Variants in CDH18 observed in about 807,000 individuals in gnomAD.
The protein encoded by CDH18 is cadherin-18.
In CDH18, 31 loss-of-function variants were observed where a neutral mutation model predicts 67.9. That is an observed-to-expected ratio of 0.46 (90% CI 0.34 to 0.62). The LOEUF (loss-of-function observed/expected upper bound fraction) is 0.62. CDH18 is among the 20% of genes least tolerant of loss of function. CDH18 has a pLI of 0.01. For missense variants in CDH18, 890 were observed against 975.5 expected, an observed-to-expected ratio of 0.91 and a Z score of 1.17; for synonymous variants, 362 against 347.2, an observed-to-expected ratio of 1.04 and a Z score of -0.48.
At chr5:19,621,364 T>G (rs1342597461) in intron 5 of CDH18, among the ~76,000 whole-genome samples, 1 of 152,238 alleles carries the variant, frequency 6.6e-6, no homozygotes, top group East Asian at 1.9e-4. Context: ...TGTTTTTTGA[T>G]GATAGCCATC....
intron 10 of CDH18, among the ~76,000 whole-genome samples, chr5:19,513,033 T>C (rs1393794449): frequency 6.6e-6 from 1 of 152,060 alleles, no homozygotes; most frequent in African/African-American, 2.4e-5. Flanking sequence ...AGAGAATTTA[T>C]TTGTGGAAAG....
intron 1 of CDH18, among the ~76,000 whole-genome samples, chr5:20,566,626 A>C (rs2434784): frequency 0.28 from 40,815 of 147,584 alleles, 7,016 homozygotes; most frequent in African/African-American, 0.49. Context: ...CCGCCCACCT[A>C]GGCCTTCCAA....
intron 3 of CDH18, among the ~76,000 whole-genome samples, chr5:19,831,326 A>G (rs1780999443): frequency 6.6e-6 from 1 of 152,164 alleles, no homozygotes. Context: ...AACAGAGTAA[A>G]GAGACAAACT....
At chr5:19,953,558 T>C (rs1795995209) in intron 2 of CDH18, among the ~76,000 whole-genome samples, 1 of 152,036 alleles carries the variant, frequency 6.6e-6, no homozygotes, top group African/African-American at 2.4e-5. Flanking sequence ...TGATTAGAGT[T>C]TAAAAATAAT....
intron 1 of CDH18, among the ~76,000 whole-genome samples, chr5:20,543,733 GA>G (rs1561114065): frequency 6.6e-6 from 1 of 151,960 alleles, no homozygotes; most frequent in Admixed American, 6.6e-5. Context: ...TTTACTCTCT[GA>G]TTACTTTGAT....
chr5:20,433,706 C>T, intron 1 of CDH18, among the ~76,000 whole-genome samples: 1 of 151,612 alleles, frequency 6.6e-6, no homozygotes, highest in South Asian at 2.1e-4. Flanking sequence ...AAAGTGGGGA[C>T]TAATTGTATA....
At chr5:19,908,097 G>A (rs1304005877) in intron 2 of CDH18, among the ~76,000 whole-genome samples, 1 of 151,872 alleles carries the variant, frequency 6.6e-6, no homozygotes, top group Non-Finnish European at 1.5e-5. Context: ...TTCTTGCTAA[G>A]GAAGTAAAAA....
At chr5:20,538,506 T>C (rs1330708169) in intron 1 of CDH18, among the ~76,000 whole-genome samples, 1 of 152,176 alleles carries the variant, frequency 6.6e-6, no homozygotes, top group East Asian at 1.9e-4. Flanking sequence ...GCTCAGTAGC[T>C]TGACCTATTG....
intron 1 of CDH18, among the ~76,000 whole-genome samples, chr5:20,397,173 C>T (rs1452450714): frequency 1.3e-5 from 2 of 152,058 alleles, no homozygotes; most frequent in Non-Finnish European, 2.9e-5. Context: ...CTCTGTTGCT[C>T]AAGGTGGAGT....
chr5:20,481,984 AAATAT>A (rs1752839386), intron 1 of CDH18, among the ~76,000 whole-genome samples: 1 of 152,028 alleles, frequency 6.6e-6, no homozygotes. Context: ...TGAATTGAAA[AAATAT>A]AAAAGATCAA....
rs182537682 is a variant in CDH18 at position 20,333,340 on chromosome 5, C to G, written c.-579-77835G>C. ...TGGCCAACATGGTGAAGCCTCGTCT[C>G]TACTAAAATACAAAAAATTAGCTGG... On this transcript the variant is annotated intron_variant, in intron 1 of 14. Coordinates refer to the CDH18 transcript ENST00000507958. Among the ~76,000 whole-genome samples, 181 of 151,826 alleles carry G rather than the reference C, an allele frequency of 1.2e-3. 1 individual carries two copies. Among genetic ancestry groups the G allele is most frequent in the Non-Finnish European group, 1.5e-3 (105 of 67,950 alleles).
chr5:19,798,316 T>C (rs1777069967), intron 3 of CDH18, among the ~76,000 whole-genome samples: 1 of 152,034 alleles, frequency 6.6e-6, no homozygotes, highest in African/African-American at 2.4e-5. Context: ...TGAGGGGTAT[T>C]GGGAAAATTT....
At chr5:19,811,948 G>C (rs1336916937) in intron 3 of CDH18, among the ~76,000 whole-genome samples, 1 of 152,134 alleles carries the variant, frequency 6.6e-6, no homozygotes, top group Non-Finnish European at 1.5e-5. Context: ...GGAAGAAGGG[G>C]ATAGAAGCAA....
intron 1 of CDH18, among the ~76,000 whole-genome samples, chr5:20,289,752 C>T (rs1045452423): frequency 4.6e-5 from 7 of 151,588 alleles, no homozygotes; most frequent in Non-Finnish European, 1.0e-4. Context: ...AGTAACAGTA[C>T]GATTAAGGAA....
At chr5:19,488,809 T>C (rs1740812856) in intron 11 of CDH18, among the ~76,000 whole-genome samples, 1 of 152,198 alleles carries the variant, frequency 6.6e-6, no homozygotes, top group South Asian at 2.1e-4. Context: ...GCATGTTCTC[T>C]TTATGCTCTT....
At chr5:19,528,173 T>A (rs542442459) in intron 9 of CDH18, among the ~76,000 whole-genome samples, 19 of 151,844 alleles carry the variant, frequency 1.3e-4, no homozygotes, top group Non-Finnish European at 2.5e-4. Flanking sequence ...TTCTACTTTT[T>A]GTAATAATTC....
At chr5:20,418,162 GC>G (rs1747490064) in intron 1 of CDH18, among the ~76,000 whole-genome samples, 1 of 150,300 alleles carries the variant, frequency 6.7e-6, no homozygotes. Flanking sequence ...CGCAACCTCC[GC>G]CGCTGGGGTT....
intron 4 of CDH18, among the ~76,000 whole-genome samples, chr5:19,744,876 C>T (rs1483395253): frequency 6.6e-6 from 1 of 152,072 alleles, no homozygotes; most frequent in Non-Finnish European, 1.5e-5. Flanking sequence ...TTTTATTAGG[C>T]TTTAAAACTT....
At chr5:20,259,926 G>C (rs541918120) in intron 1 of CDH18, among the ~76,000 whole-genome samples, 27 of 152,008 alleles carry the variant, frequency 1.8e-4, no homozygotes, top group Admixed American at 1.0e-3. Context: ...TTTCCAAGTG[G>C]CAAGAGATGC....
Sources: allele counts gnomAD v4.1 joint callset (sites outside exome capture counted in the v4.1 genomes callset), GRCh38; gene constraint gnomAD v4.1.1; transcripts MANE v1.5; gene names NCBI Gene and HGNC (gene_info 2026-07-23, HGNC 2026-07-21).